Variants in PRRX2 observed in about 807,000 individuals in gnomAD.
The protein encoded by PRRX2 is paired related homeobox 2.
Under a neutral mutation model 18.0 loss-of-function variants are expected in PRRX2, and 11 were observed. The ratio of observed to expected loss-of-function variants is 0.61; its 90% CI spans 0.39 to 1.01. The LOEUF is 1.01. Among genes scored for constraint, PRRX2 ranks in the 50% least tolerant of loss-of-function variants. The pLI, the probability that PRRX2 is intolerant of heterozygous loss-of-function variation, is 0.01. For synonymous variants in PRRX2, 177 were observed against 154.8 expected, an observed-to-expected ratio of 1.14 and a Z score of -1.06; for missense variants, 387 against 351.0, an observed-to-expected ratio of 1.10 and a Z score of -0.82.
At chr9:129,669,058 A>G (rs78750922) in intron 1 of PRRX2, among the ~76,000 whole-genome samples, 61 of 146,120 alleles carry the variant, frequency 4.2e-4, no homozygotes, top group South Asian at 6.6e-4. Context: ...GAGGCAGGAG[A>G]AAAAAAAAAG....
chr9:129,690,821 C>T (rs1199928803), intron 1 of PRRX2, among the ~76,000 whole-genome samples: 1 of 151,802 alleles, frequency 6.6e-6, no homozygotes, highest in Non-Finnish European at 1.5e-5. Flanking sequence ...CAGCTCTTAA[C>T]TCTCAAATGG....
In PRRX2 at chr9:129,715,750, T is replaced by TCTCTCTCTCTCTCTCTCACACA. The variant is rs762929485; in HGVS notation, c.260-3480_260-3479insTCTCTCTCTCTCTCTCACACAC. Among the ~76,000 whole-genome samples, 97 of 138,944 alleles carry TCTCTCTCTCTCTCTCTCACACA rather than the reference T, an allele frequency of 7.0e-4. 1 individual carries two copies. In the East Asian group the frequency reaches 0.012, roughly 17 times the overall value. The allele number at this position is 138,944 out of a possible 152,430, so 91.2% of individuals were successfully genotyped here. The stretch of plus-strand genomic sequence containing the variant: ...AAACCCAGCTTCAGGGACATCTTTC[T>TCTCTCTCTCTCTCTCTCACACA]CACACACACACACACACACACACAC... On this transcript the variant is annotated intron_variant, in intron 1 of 3. Transcript: ENST00000372469. The surrounding 1 kb of genome is among the most constrained non-coding windows in gnomAD (Gnocchi z 4.0).
intron 1 of PRRX2, among the ~76,000 whole-genome samples, chr9:129,687,823 T>A (rs1832314528): frequency 1.3e-5 from 2 of 152,216 alleles, no homozygotes; most frequent in South Asian, 4.1e-4. Context: ...GCATCAGCTC[T>A]CTGAGCCTCA....
In PRRX2 at chr9:129,722,262, A is replaced by G; in HGVS notation, c.672A>G (p.Pro224=). 6.2e-7 allele frequency: 1 copy of G among 1,613,978 alleles called. No homozygotes were observed. Among genetic ancestry groups the G allele is most frequent in the Non-Finnish European group, 8.5e-7 (1 of 1,179,990 alleles). ...CTGGGAGCTCAGGCCCCGCAACCCCAGGGGTCAACATGGCCAACAGCATCG... is the reference window on the plus strand; with the variant it reads ...CTGGGAGCTCAGGCCCCGCAACCCCGGGGGTCAACATGGCCAACAGCATCG... The part of the protein sequence containing the change: ...YSPGSSGPAT[P]GVNMANSIAS... Residue 224 remains proline (P), a synonymous_variant, in exon 4 of 4, where the codon CCA becomes CCG. Transcript: ENST00000372469.
intron 1 of PRRX2, among the ~76,000 whole-genome samples, chr9:129,666,631 G>T (rs964121874): frequency 4.6e-5 from 6 of 130,402 alleles, no homozygotes; most frequent in African/African-American, 1.7e-4. Context: ...GGCCCAGCCA[G>T]GCCTCTCTTC....
In PRRX2 at chr9:129,709,721, T is replaced by G. The variant is rs1832597918; in HGVS notation, c.260-9510T>G. The stretch of plus-strand genomic sequence containing the variant: ...GGGTTTTTGTTCAAAATTAATGAGG[T>G]GAAACATTCTTAAAAGTGTGGCAGG... On this transcript the variant is annotated intron_variant, in intron 1 of 3. Transcript: ENST00000372469. This position sits in a 1 kb window ranked among gnomAD's most constrained non-coding sequence, Gnocchi z 4.2. Among the ~76,000 whole-genome samples, 1 of 151,974 alleles carries G rather than the reference T, an allele frequency of 6.6e-6. No homozygotes were observed. The highest frequency in any genetic ancestry group is 1.5e-5 in the Non-Finnish European group (1 of 67,988).
intron 1 of PRRX2, among the ~76,000 whole-genome samples, chr9:129,670,855 T>C (rs1832090754): frequency 6.6e-6 from 1 of 152,174 alleles, no homozygotes. Flanking sequence ...CTTGCGTTCC[T>C]TCCCCTCCCC....
chr9:129,694,032 G>C (rs1024529352), intron 1 of PRRX2, among the ~76,000 whole-genome samples: 1 of 152,144 alleles, frequency 6.6e-6, no homozygotes, highest in Non-Finnish European at 1.5e-5. Flanking sequence ...GGCAGACGAA[G>C]CTCATCCACC....
chr9:129,693,598 CAAAAAAAAA>C (rs61440612), intron 1 of PRRX2, among the ~76,000 whole-genome samples: 1 of 105,260 alleles, frequency 9.5e-6, no homozygotes, highest in African/African-American at 2.9e-5. Context: ...AACTCTGTCT[CAAAAAAAAA>C]AAAAAAAAAG....
intron 1 of PRRX2, chr9:129,718,638 G>A (rs1832745527): frequency 6.6e-6 from 1 of 152,266 alleles, no homozygotes. Context: ...TTGGGCCCGA[G>A]ACCATAGCCT....
At chr9:129,673,932 C>T (rs1200109710) in intron 1 of PRRX2, among the ~76,000 whole-genome samples, 3 of 152,092 alleles carry the variant, frequency 2.0e-5, no homozygotes, top group Non-Finnish European at 4.4e-5. Context: ...ATGGGGTGCC[C>T]GGCGGTCAGC....
rs58405360 is a variant in PRRX2 at position 129,715,750 on chromosome 9, TCACACACACA to T, written c.260-3447_260-3438del. On this transcript the variant is annotated intron_variant, in intron 1 of 3. Transcript: ENST00000372469. This position sits in a 1 kb window ranked among gnomAD's most constrained non-coding sequence, Gnocchi z 4.0. ...AAACCCAGCTTCAGGGACATCTTTC[TCACACACACA>T]CACACACACACACACACACACACAC... Among the ~76,000 whole-genome samples, 213 of 138,950 alleles carry T rather than the reference TCACACACACA, an allele frequency of 1.5e-3. 1 individual carries two copies. The highest frequency in any genetic ancestry group is 0.01 in the East Asian group (44 of 4,392). The allele number at this position is 138,950 out of a possible 152,430, so 91.2% of individuals were successfully genotyped here.
In PRRX2 at chr9:129,671,842, C is replaced by T. The variant is rs948319659; in HGVS notation, c.259+5716C>T. ...GGTTTTGGATCACAAGTCCAGGCCT[C>T]CCTCTCCTGCACAGTCCTTGGGCTG... On this transcript the variant is annotated intron_variant, in intron 1 of 3. Coordinates refer to ENST00000372469, the MANE Select transcript of PRRX2 (RefSeq NM_016307.4). This position sits in a 1 kb window ranked among gnomAD's most constrained non-coding sequence, Gnocchi z 4.0. Among the ~76,000 whole-genome samples the T allele has an allele frequency of 6.6e-6, 1 of 152,112 alleles. No homozygotes were observed. Among genetic ancestry groups the T allele is most frequent in the Non-Finnish European group, 1.5e-5 (1 of 68,002 alleles).
At chr9:129,698,820 C>A (rs1436908973) in intron 1 of PRRX2, among the ~76,000 whole-genome samples, 6 of 152,232 alleles carry the variant, frequency 3.9e-5, no homozygotes, top group Non-Finnish European at 8.8e-5. Context: ...GTAGGATTCC[C>A]ACCCTGCCTG....
At chr9:129,688,266 G>A (rs1285729424) in intron 1 of PRRX2, among the ~76,000 whole-genome samples, 1 of 151,960 alleles carries the variant, frequency 6.6e-6, no homozygotes, top group African/African-American at 2.4e-5. Context: ...GTCTCACTCT[G>A]TTGCCCAAGC....
intron 1 of PRRX2, among the ~76,000 whole-genome samples, chr9:129,697,871 A>G (rs1270650099): frequency 6.6e-6 from 1 of 151,962 alleles, no homozygotes; most frequent in African/African-American, 2.4e-5. Flanking sequence ...AAGATTTTTC[A>G]AAATTCTGAG....
intron 1 of PRRX2, among the ~76,000 whole-genome samples, chr9:129,696,365 A>G (rs1482421450): frequency 6.6e-6 from 1 of 152,202 alleles, no homozygotes; most frequent in Non-Finnish European, 1.5e-5. Flanking sequence ...GCTTGAGCCC[A>G]GGGGTTAGGC....
At chr9:129,676,200 G>A (rs1278033728) in intron 1 of PRRX2, among the ~76,000 whole-genome samples, 3 of 152,194 alleles carry the variant, frequency 2.0e-5, no homozygotes, top group Admixed American at 6.5e-5. Flanking sequence ...GGGTCTGTTG[G>A]CGAGGGGTTG....
At chr9:129,669,306 G>T (rs1156680946) in intron 1 of PRRX2, among the ~76,000 whole-genome samples, 1 of 152,248 alleles carries the variant, frequency 6.6e-6, no homozygotes, top group Non-Finnish European at 1.5e-5. Flanking sequence ...CAGGGTCGCG[G>T]GTTCCTTCCT....
Sources: gnomAD v4.1 joint callset for allele counts (sites outside exome capture counted in the v4.1 genomes callset) on GRCh38, gnomAD v4.1.1 for gene constraint, Gnocchi (gnomAD v3.1) non-coding constraint, MANE v1.5 for transcripts, NCBI Gene and HGNC (gene_info 2026-07-23, HGNC 2026-07-21) for gene names.